Variants in CLIP2 observed in about 807,000 individuals in gnomAD.
The protein encoded by CLIP2 is CAP-Gly domain-containing linker protein 2.
CLIP2 carries 41 observed loss-of-function variants against 111.7 expected under a neutral mutation model. The ratio of observed to expected loss-of-function variants is 0.37; its 90% CI spans 0.29 to 0.48. The LOEUF (loss-of-function observed/expected upper bound fraction) is 0.48. Ranked by LOEUF, CLIP2 falls within the 20% of genes least tolerant of loss-of-function variation. The pLI, the probability that CLIP2 is intolerant of heterozygous loss-of-function variation, is 0.99. For missense variants in CLIP2, 1,160 were observed against 1,422.1 expected (o/e 0.82, Z 2.96); for synonymous variants, 660 against 644.2 (o/e 1.02, Z -0.37).
At chr7:74,375,776 G>A in intron 9 of CLIP2, 111 bp from the exon 10 acceptor site, 1 of 858,892 alleles carries the variant, frequency 1.2e-6, no homozygotes, top group Non-Finnish European at 1.7e-6. Flanking sequence ...CCACCTGCTG[G>A]GGCTGGTGCC....
chr7:74,385,326 T>A (rs1223570665), intron 11 of CLIP2, among the ~76,000 whole-genome samples: 1 of 151,010 alleles, frequency 6.6e-6, no homozygotes, highest in African/African-American at 2.4e-5. Context: ...ATTAGCCAGA[T>A]GTGGTGGCAC....
intron 6 of CLIP2, among the ~76,000 whole-genome samples, chr7:74,358,494 C>CCATTTCAGAT (rs1790216864): frequency 6.6e-6 from 1 of 151,992 alleles, no homozygotes; most frequent in Admixed American, 6.6e-5. Context: ...TGCACTTGGC[C>CCATTTCAGAT]TAATCTGCTT....
chr7:74,395,264 A>G (rs987043419), intron 13 of CLIP2, among the ~76,000 whole-genome samples: 1 of 151,734 alleles, frequency 6.6e-6, no homozygotes, highest in Non-Finnish European at 1.5e-5. Flanking sequence ...GGTTCAAGCA[A>G]TTCTCCTGCC....
At chr7:74,383,163 T>C (rs1422780284) in intron 11 of CLIP2, among the ~76,000 whole-genome samples, 3 of 152,130 alleles carry the variant, frequency 2.0e-5, no homozygotes, top group African/African-American at 7.2e-5. Context: ...TTCTGTCCTA[T>C]TTTCTATGCT....
intron 13 of CLIP2, among the ~76,000 whole-genome samples, chr7:74,396,756 A>T (rs1791458852): frequency 6.6e-6 from 1 of 151,926 alleles, no homozygotes; most frequent in South Asian, 2.1e-4. Flanking sequence ...CCTGACCTCA[A>T]ATGATCCGCC....
At chr7:74,367,472 G>A (rs1790494183) in intron 8 of CLIP2, among the ~76,000 whole-genome samples, 1 of 152,198 alleles carries the variant, frequency 6.6e-6, no homozygotes, top group South Asian at 2.1e-4. Context: ...TAACAGGCGT[G>A]AGCCACCATG....
At chr7:74,372,424 G>T (rs1228722858) in intron 8 of CLIP2, among the ~76,000 whole-genome samples, 1 of 149,478 alleles carries the variant, frequency 6.7e-6, no homozygotes, top group Non-Finnish European at 1.5e-5. Flanking sequence ...GGAGTCGAGC[G>T]GGAATCCCGG....
intron 2 of CLIP2, 38 bp downstream of exon 2, chr7:74,317,705 G>T: frequency 2.2e-6 from 3 of 1,387,388 alleles, no homozygotes; most frequent in Non-Finnish European, 2.8e-6. Context: ...GAGGGGACTG[G>T]CTACATGGGA....
chr7:74,309,792 G>A (rs756393359), intron 1 of CLIP2, among the ~76,000 whole-genome samples: 17 of 148,378 alleles, frequency 1.1e-4, no homozygotes, highest in Non-Finnish European at 2.2e-4. Context: ...CGGGAGAATC[G>A]CTTGAACCTG....
Position 74,382,755 on chromosome 7 carries a change from TG to T in CLIP2, c.2479+1894del, listed in dbSNP as rs371906524. 3.9e-3 allele frequency among the ~76,000 whole-genome samples: 594 copies of T among 152,108 alleles called. 7 individuals are homozygous for T. Among genetic ancestry groups the T allele is most frequent in the African/African-American group, 0.012 (487 of 41,536 alleles). ...CATTTGCCTTTTTACTTTTTTCTTATGGTGGTGTTGGCCATGCAGATATTTA... is the reference window on the plus strand; with the variant it reads ...CATTTGCCTTTTTACTTTTTTCTTATGTGGTGTTGGCCATGCAGATATTTA... On this transcript the variant is annotated intron_variant, in intron 11 of 16. Transcript: ENST00000223398.
chr7:74,345,474 C>T (rs1789775766), intron 3 of CLIP2, among the ~76,000 whole-genome samples: 1 of 151,836 alleles, frequency 6.6e-6, no homozygotes, highest in Non-Finnish European at 1.5e-5. Context: ...CTCAAGTGAT[C>T]CACCCACCTC....
rs1258970424 is a variant in CLIP2 at position 74,289,847 on chromosome 7, C to T, written c.-68+113C>T. 4.6e-5 allele frequency: 4 copies of T among 86,206 alleles called. No homozygotes were observed. The Admixed American group carries it at 5.1e-4, about 11-fold the overall frequency. 5.3% of individuals were successfully genotyped at this position (86,206 alleles called of 1,614,324 possible). A position where few individuals can be genotyped will look rare whatever the true frequency, so the allele number is the denominator to read the frequency against. Reference sequence around the variant, plus strand: ...GGGGCTGCGGGCCCGGAGGCATTGTCGGGGCGTGGGCGGGGGCGGGAGGGT... The same window carrying T: ...GGGGCTGCGGGCCCGGAGGCATTGTTGGGGCGTGGGCGGGGGCGGGAGGGT... On this transcript the variant is annotated intron_variant, in intron 1 of 16. Transcript: ENST00000223398.
At chr7:74,381,364 T>C (rs370519809) in intron 11 of CLIP2, among the ~76,000 whole-genome samples, 19 of 152,188 alleles carry the variant, frequency 1.2e-4, no homozygotes, top group African/African-American at 4.6e-4. Context: ...AATTTTTGTA[T>C]TTTTAGTAGA....
chr7:74,349,470 G>GTA (rs1158400867), intron 3 of CLIP2, among the ~76,000 whole-genome samples: 2,395 of 33,252 alleles, frequency 0.072, 123 homozygotes, highest in Middle Eastern at 0.1. Context: ...GTGTGTGTGT[G>GTA]TATATATATA....
intron 4 of CLIP2, 59 bp downstream of exon 4, chr7:74,354,063 A>G: frequency 6.4e-7 from 1 of 1,550,744 alleles, no homozygotes; most frequent in Non-Finnish European, 8.7e-7. Flanking sequence ...GGGTGGGCGC[A>G]GGGGATGGAG....
chr7:74,335,674 C>G (rs71539242), intron 2 of CLIP2, among the ~76,000 whole-genome samples: 8 of 130,564 alleles, frequency 6.1e-5, no homozygotes, highest in African/African-American at 1.9e-4. Context: ...TTCCTTCCTT[C>G]CTTGCTTCCT....
intron 3 of CLIP2, among the ~76,000 whole-genome samples, chr7:74,342,611 A>T (rs1449255824): frequency 6.6e-6 from 1 of 152,110 alleles, no homozygotes; most frequent in African/African-American, 2.4e-5. Flanking sequence ...ATGGGATCGG[A>T]GGAGGCAAGA....
chr7:74,394,242 CTTATT>C (rs1338522867), intron 13 of CLIP2, among the ~76,000 whole-genome samples: 1 of 119,768 alleles, frequency 8.3e-6, no homozygotes, highest in Non-Finnish European at 1.8e-5. Context: ...TCTTTTTCTT[CTTATT>C]TTTTTTTTTT....
intron 13 of CLIP2, among the ~76,000 whole-genome samples, chr7:74,391,832 GA>G (rs1272639812): frequency 7.7e-4 from 114 of 147,796 alleles, no homozygotes; most frequent in African/African-American, 2.1e-3. Flanking sequence ...AGAAGAAGAA[GA>G]AAAAAAAAGG....
Sources: gnomAD v4.1 joint callset for allele counts (sites outside exome capture counted in the v4.1 genomes callset) on GRCh38, gnomAD v4.1.1 for gene constraint, MANE v1.5 for transcripts, NCBI Gene and HGNC (gene_info 2026-07-23, HGNC 2026-07-21) for gene names.